MRPL10: variants seen among roughly 807,000 people sequenced by gnomAD.
MRPL10 encodes mitochondrial ribosomal protein L10.
In MRPL10, 14 loss-of-function variants were observed where a neutral mutation model predicts 19.8. The observed-to-expected ratio is 0.71, with a 90% CI of 0.47 to 1.11. The LOEUF is 1.11. Ranked by LOEUF, MRPL10 falls within the 50% of genes least tolerant of loss-of-function variation. The probability of loss-of-function intolerance (pLI) is 0.00; values close to 1 mark genes in which losing one functional copy is unlikely to be tolerated. For synonymous variants in MRPL10, 129 were observed against 139.2 expected (o/e 0.93, Z 0.52); for missense variants, 318 against 339.6 (o/e 0.94, Z 0.50).
chr17:47,828,534 T>C lies in MRPL10; in HGVS notation c.189A>G (p.Ser63=), dbSNP rs372502154. The change falls in exon 2 of 5, where the codon TCA becomes TCG. Residue 63 remains serine (S), a synonymous_variant. Transcript: ENST00000351111. The part of the protein sequence containing the change: ...YIPPKPAIHP[S]CLPSPPSPPQ... ...GGGGGCTGGGAGGAGATGGCAGGCA[T>C]GATGGGTGGATGGCTGGTTTCGGGG... The C allele has an allele frequency of 9.6e-6, 14 of 1,464,698 alleles. No homozygotes were observed. The Admixed American group carries it at 2.3e-4, about 24-fold the overall frequency. 90.7% of individuals were successfully genotyped at this position (1,464,698 alleles called of 1,614,324 possible).
intron 1 of MRPL10, among the ~76,000 whole-genome samples, chr17:47,830,862 A>C (rs988120236): frequency 6.6e-6 from 1 of 152,238 alleles, no homozygotes; most frequent in Non-Finnish European, 1.5e-5. Flanking sequence ...TGGCCACCCA[A>C]CTGGTCTGAA....
rs773294949 is a variant in MRPL10, at chr17:47,827,187, C to A, written c.240G>T (p.Arg80Ser). 2 of 1,609,914 alleles carry A rather than the reference C, an allele frequency of 1.2e-6. No individual in the cohort carries two copies. The highest frequency in any genetic ancestry group is 3.4e-5 in the Admixed American group (2 of 59,326). The change falls in exon 3 of 5, where the codon AGG becomes AGT. Residue 80 changes from arginine (R) to serine (S), a missense_variant. Transcript: ENST00000351111. ...SPPQEEIGLIRLLRREIAAVF... is the reference protein window; with the variant it reads ...SPPQEEIGLISLLRREIAAVF... ...CTGCTGCTATCTCCCGGCGGAGAAG[C>A]CTGATGAGGCCTATCTCCTGAAGTT... is the stretch of plus-strand genomic sequence containing the variant.
intron 4 of MRPL10, among the ~76,000 whole-genome samples, chr17:47,825,985 G>GA (rs35625408): frequency 3.8e-4 from 56 of 146,122 alleles, no homozygotes; most frequent in East Asian, 2.6e-3. Flanking sequence ...CTAAAAATAC[G>GA]AAAAAAAAAA....
intron 1 of MRPL10, among the ~76,000 whole-genome samples, chr17:47,829,851 T>TGCACTCCG (rs1357362277): frequency 6.6e-6 from 1 of 151,174 alleles, no homozygotes; most frequent in Non-Finnish European, 1.5e-5. Flanking sequence ...ATTGTGCCAT[T>TGCACTCCG]GCACTCCGGC....
Position 47,828,588 on chromosome 17 carries a change from C to G in MRPL10, c.135G>C (p.Gln45His), listed in dbSNP as rs753240696. 6.6e-7 allele frequency: 1 copy of G among 1,521,364 alleles called. No individual in the cohort carries two copies. The highest frequency in any genetic ancestry group is 1.3e-5 in the South Asian group (1 of 76,218). 94.2% of individuals were successfully genotyped at this position (1,521,364 alleles called of 1,614,324 possible). The stretch of plus-strand genomic sequence containing the variant: ...TATATTCAGTCACAGCCATCAGCTT[C>G]TGCCGCTGAAAGTGCATCACACGAC... ...RHRRVMHFQR[Q>H]KLMAVTEYIP... The change falls in exon 2 of 5, where the codon CAG becomes CAC. Residue 45 changes from glutamine (Q) to histidine (H), a missense_variant. Transcript: ENST00000351111.
chr17:47,828,353 C>T (rs977293623), intron 2 of MRPL10, 148 bp downstream of exon 2: 1 of 564,636 alleles, frequency 1.8e-6, no homozygotes, highest in Non-Finnish European at 2.8e-6. Flanking sequence ...GTGCGGATTT[C>T]ATCTTAAAAT....
At position 47,824,298 on chromosome 17, in the gene MRPL10, G is replaced by A; in HGVS notation, c.693C>T (p.Thr231=). The A allele has an allele frequency of 1.2e-6, 2 of 1,614,178 alleles. No individual in the cohort carries two copies. The highest frequency in any genetic ancestry group is 1.7e-6 in the Non-Finnish European group (2 of 1,180,036). The change falls in exon 5 of 5, where the codon ACC becomes ACT. Residue 231 remains threonine, a synonymous_variant. Coordinates refer to ENST00000351111, the MANE Select transcript of MRPL10 (RefSeq NM_145255.4). ...LLQHQPLQLT[T]LLDQYIREQR... The stretch of plus-strand genomic sequence containing the variant: ...GCTCTCTGATGTACTGGTCCAACAG[G>A]GTGGTCAGCTGGAGGGGCTGGTGCT...
chr17:47,824,480 T>C (rs2033498171), intron 4 of MRPL10, 22 bp from the exon 5 acceptor site: 1 of 1,514,628 alleles, frequency 6.6e-7, no homozygotes, highest in South Asian at 1.3e-5. Flanking sequence ...CAGGGTCAGT[T>C]AGGCTCCTTG....
In MRPL10 at chr17:47,823,429, G is replaced by A. The variant is rs562300082; in HGVS notation, c.*776C>T. On this transcript the variant is annotated 3_prime_UTR_variant, in exon 5 of 5. Coordinates refer to ENST00000351111, the MANE Select transcript of MRPL10 (RefSeq NM_145255.4). ...CCCCTGAGAGTAAGTTTAGAGGGAG[G>A]ACAACCGTGTAAACCACAAAATAAA... 6.6e-6 allele frequency: 1 copy of A among 152,202 alleles called. No individual in the cohort carries two copies. Among genetic ancestry groups the A allele is most frequent in the East Asian group, 1.9e-4 (1 of 5,186 alleles). 9.4% of individuals were successfully genotyped at this position (152,202 alleles called of 1,614,324 possible).
Position 47,824,392 on chromosome 17 carries a change from A to G in MRPL10, c.599T>C (p.Leu200Pro). ...TACAAGCTCCCCCTGCACCAGGGGC[A>G]GGCTGGGGAGCTTGGAGTAGTTGAT... ...GFINYSKLPS[L>P]PLVQGELVGG... The change falls in exon 5 of 5, where the codon CTG becomes CCG. Residue 200 changes from leucine to proline, a missense_variant. Coordinates refer to ENST00000351111, the MANE Select transcript of MRPL10 (RefSeq NM_145255.4). 6.2e-7 allele frequency: 1 copy of G among 1,603,164 alleles called. No individual in the cohort carries two copies.
rs2033486988 is a variant in MRPL10 at position 47,824,068 on chromosome 17, C to T, written c.*137G>A. ...CTCTGCATCTCCAAGTGGCCCTATA[C>T]CTGACAATATCATTACTAGTGAAAA... On this transcript the variant is annotated 3_prime_UTR_variant, in exon 5 of 5. Coordinates refer to ENST00000351111, the MANE Select transcript of MRPL10 (RefSeq NM_145255.4). 4 of 1,108,132 alleles carry T rather than the reference C, an allele frequency of 3.6e-6. No homozygotes were observed. Among genetic ancestry groups the T allele is most frequent in the Admixed American group, 4.2e-5 (2 of 47,808 alleles). 68.6% of individuals were successfully genotyped at this position (1,108,132 alleles called of 1,614,324 possible).
rs2033537178 is a variant in MRPL10, at chr17:47,826,658, C to G, written c.511G>C (p.Val171Leu). The G allele has an allele frequency of 1.9e-6, 3 of 1,613,864 alleles. No homozygotes were observed. The highest frequency in any genetic ancestry group is 3.5e-4 in the Middle Eastern group (2 of 5,770). ...VKEMVRILRT[V>L]PFLPLLGGCI... ...TCACCTAGCAGCGGCAGGAATGGCA[C>G]AGTCCTTAAGATCCGTACCATCTCC... Residue 171 changes from valine to leucine, a missense_variant, in exon 4 of 5, where the codon GTG becomes CTG. By Grantham distance (32) the Val-to-Leu change is conservative. Transcript: ENST00000351111.
Position 47,831,489 on chromosome 17 carries a change from A to G in MRPL10, c.23T>C (p.Met8Thr), listed in dbSNP as rs947437549. Residue 8 changes from methionine (M) to threonine (T), a missense_variant, in exon 1 of 5, where the codon ATG (methionine) becomes ACG (threonine). By Grantham distance (81) the Met-to-Thr change is moderately conservative. Coordinates refer to ENST00000351111, the MANE Select transcript of MRPL10 (RefSeq NM_145255.4). MAAAVAG[M>T]LRGGLLPQAG... ...CTGGGGCAGGAGACCCCCTCGCAGC[A>G]TCCCCGCCACGGCCGCAGCCATCTC... The G allele has an allele frequency of 6.5e-7, 1 of 1,548,844 alleles. No individual in the cohort carries two copies. Among genetic ancestry groups the G allele is most frequent in the Non-Finnish European group, 8.7e-7 (1 of 1,146,690 alleles).
At chr17:47,831,230 T>C in intron 1 of MRPL10, 1 of 1,163,494 alleles carries the variant, frequency 8.6e-7, no homozygotes, top group Non-Finnish European at 1.2e-6. Context: ...GGAGACATAA[T>C]GCAAAGGTCT....
At chr17:47,825,695 C>A (rs1456945277) in intron 4 of MRPL10, among the ~76,000 whole-genome samples, 1 of 152,084 alleles carries the variant, frequency 6.6e-6, no homozygotes, top group Non-Finnish European at 1.5e-5. Context: ...GAAGACAAAA[C>A]GTTCTGGAGA....
chr17:47,827,168 C>T lies in MRPL10; in HGVS notation c.259G>A (p.Ala87Thr), dbSNP rs772818657. The T allele has an allele frequency of 4.3e-6, 7 of 1,613,674 alleles. No individual in the cohort carries two copies. The highest frequency in any genetic ancestry group is 5.9e-6 in the Non-Finnish European group (7 of 1,179,798). ...GLIRLLRREIAAVFQDNRMIA... is the reference protein window; with the variant it reads ...GLIRLLRREITAVFQDNRMIA... ...ATTCGGTTGTCCTGGAAAACTGCTGCTATCTCCCGGCGGAGAAGCCTGATG... is the reference window on the plus strand; with the variant it reads ...ATTCGGTTGTCCTGGAAAACTGCTGTTATCTCCCGGCGGAGAAGCCTGATG... The change falls in exon 3 of 5, where the codon GCA becomes ACA. Residue 87 changes from alanine (A) to threonine (T), a missense_variant. By Grantham distance (58) the Ala-to-Thr change is moderately conservative. Transcript: ENST00000351111.
At chr17:47,830,191 T>G (rs2033604426) in intron 1 of MRPL10, among the ~76,000 whole-genome samples, 1 of 152,200 alleles carries the variant, frequency 6.6e-6, no homozygotes, top group African/African-American at 2.4e-5. Context: ...TTCTCACAGC[T>G]CTCAGACAAG....
chr17:47,829,152 T>C (rs2033583578), intron 1 of MRPL10: 2 of 154,538 alleles, frequency 1.3e-5, no homozygotes, highest in South Asian at 3.6e-4. Context: ...TAATCCCAGC[T>C]ACTTGAGAGG....
chr17:47,831,538 G>C lies in MRPL10; in HGVS notation c.-27C>G, dbSNP rs2033632310. The C allele has an allele frequency of 1.3e-6, 2 of 1,545,574 alleles. No homozygotes were observed. Among genetic ancestry groups the C allele is most frequent in the Non-Finnish European group, 1.7e-6 (2 of 1,143,528 alleles). On this transcript the variant is annotated 5_prime_UTR_variant, in exon 1 of 5. Transcript: ENST00000351111. ...TCCACCGGAAGAATGGACGGAAGCC[G>C]AGTGGAGACGGAAAGAGCTAAGGAT...
Sources: gnomAD v4.1 joint callset for allele counts (sites outside exome capture counted in the v4.1 genomes callset) on GRCh38, gnomAD v4.1.1 for gene constraint, MANE v1.5 for transcripts, NCBI Gene and HGNC (gene_info 2026-07-23, HGNC 2026-07-21) for gene names.